COLQ: variants seen among roughly 807,000 people sequenced by gnomAD.
COLQ encodes acetylcholinesterase collagenic tail peptide.
COLQ carries 48 observed loss-of-function variants against 69.0 expected under a neutral mutation model. The observed-to-expected ratio is 0.70, with a 90% CI of 0.55 to 0.88. The LOEUF (loss-of-function observed/expected upper bound fraction) is 0.88, where lower values mean the gene tolerates loss of function less well. Ranked by LOEUF, COLQ falls within the 40% of genes least tolerant of loss-of-function variation. COLQ has a pLI of 0.00. For synonymous variants in COLQ, 217 were observed against 211.2 expected, an observed-to-expected ratio of 1.03 and a Z score of -0.24; for missense variants, 618 against 594.6, an observed-to-expected ratio of 1.04 and a Z score of -0.41.
intron 1 of COLQ, among the ~76,000 whole-genome samples, chr3:15,499,320 G>A (rs2062799170): frequency 6.6e-6 from 1 of 152,182 alleles, no homozygotes; most frequent in Non-Finnish European, 1.5e-5. Flanking sequence ...GATTATAAAA[G>A]ACAAGATTAT....
chr3:15,475,516 A>G (rs200592674), intron 6 of COLQ, 29 bp from the exon 7 acceptor site: 3 of 1,565,982 alleles, frequency 1.9e-6, no homozygotes, highest in East Asian at 2.3e-5. Context: ...GAAAAGACCC[A>G]CGGTGATATT....
intron 3 of COLQ, among the ~76,000 whole-genome samples, chr3:15,481,918 G>A (rs1177157785): frequency 6.6e-6 from 1 of 152,164 alleles, no homozygotes; most frequent in Non-Finnish European, 1.5e-5. Flanking sequence ...TCTCCTTGAA[G>A]AGGTCCTTCA....
At chr3:15,498,462 T>C in intron 1 of COLQ, 1 of 1,416,352 alleles carries the variant, frequency 7.1e-7, no homozygotes, top group Non-Finnish European at 9.5e-7. Flanking sequence ...AAACAATGCA[T>C]GTGCATCCAC....
chr3:15,497,592 C>T (rs372474448), intron 1 of COLQ, among the ~76,000 whole-genome samples: 22 of 152,292 alleles, frequency 1.4e-4, no homozygotes, highest in Admixed American at 8.5e-4. Flanking sequence ...ATTACAAGTG[C>T]AGCCATTTAA....
In COLQ at chr3:15,450,631, T is replaced by C. The variant is rs1279541116; in HGVS notation, c.*1013A>G. 1.3e-5 allele frequency: 2 copies of C among 153,332 alleles called. No homozygotes were observed. Among genetic ancestry groups the C allele is most frequent in the South Asian group, 2.1e-4 (1 of 4,824 alleles). 9.5% of individuals were successfully genotyped at this position (153,332 alleles called of 1,614,324 possible). A position where few individuals can be genotyped will look rare whatever the true frequency, so the allele number is the denominator to read the frequency against. The stretch of plus-strand genomic sequence containing the variant: ...GACAAGGCTATGCAATATGCAGACA[T>C]GAAAGAAATGCCACGGGACGCTGTC... On this transcript the variant is annotated 3_prime_UTR_variant, in exon 17 of 17. Coordinates refer to ENST00000383788, the MANE Select transcript of COLQ (RefSeq NM_005677.4).
At chr3:15,487,418 T>A (rs1284620262) in intron 3 of COLQ, among the ~76,000 whole-genome samples, 11 of 152,148 alleles carry the variant, frequency 7.2e-5, no homozygotes, top group Admixed American at 7.2e-4. Flanking sequence ...ATGTAGGAGA[T>A]ACAGGCCGGA....
intron 9 of COLQ, 28 bp from the exon 10 acceptor site, chr3:15,474,063 A>T: frequency 6.2e-7 from 1 of 1,614,070 alleles, no homozygotes; most frequent in Non-Finnish European, 8.5e-7. Context: ...AATAATTGTG[A>T]TCACCTCTGA....
intron 1 of COLQ, among the ~76,000 whole-genome samples, chr3:15,520,791 C>T (rs1382228663): frequency 2.6e-5 from 4 of 152,218 alleles, no homozygotes; most frequent in African/African-American, 7.2e-5. Context: ...CTGGCAGACA[C>T]AGCCCCTTCC....
chr3:15,469,402 C>T (rs1349935519), intron 11 of COLQ, among the ~76,000 whole-genome samples: 1 of 152,194 alleles, frequency 6.6e-6, no homozygotes, highest in African/African-American at 2.4e-5. Flanking sequence ...ATTTCTCCCC[C>T]ATATTTTTCC....
intron 1 of COLQ, among the ~76,000 whole-genome samples, chr3:15,496,888 T>C (rs2062753634): frequency 6.6e-6 from 1 of 152,180 alleles, no homozygotes; most frequent in South Asian, 2.1e-4. Context: ...AATTTACTCT[T>C]GGAAAGACAT....
intron 11 of COLQ, among the ~76,000 whole-genome samples, chr3:15,468,359 G>A (rs1394446759): frequency 1.6e-5 from 2 of 127,728 alleles, no homozygotes; most frequent in Non-Finnish European, 3.1e-5. Flanking sequence ...GAGAGACGGA[G>A]TCTTGCTCTG....
intron 12 of COLQ, among the ~76,000 whole-genome samples, chr3:15,462,530 G>C (rs2125097010): frequency 6.6e-6 from 1 of 152,298 alleles, no homozygotes; most frequent in East Asian, 1.9e-4. Flanking sequence ...CACCCTGCTT[G>C]GCTCCTAAGG....
At chr3:15,480,714 G>A (rs1448596845) in intron 3 of COLQ, among the ~76,000 whole-genome samples, 1 of 152,182 alleles carries the variant, frequency 6.6e-6, no homozygotes, top group Non-Finnish European at 1.5e-5. Flanking sequence ...GGATGGCTGG[G>A]TCAAATGGTG....
At chr3:15,490,352 T>C (rs1196355588) in intron 1 of COLQ, among the ~76,000 whole-genome samples, 1 of 152,316 alleles carries the variant, frequency 6.6e-6, no homozygotes, top group Non-Finnish European at 1.5e-5. Context: ...CAGATCTCCA[T>C]AAGGTGGACG....
intron 12 of COLQ, among the ~76,000 whole-genome samples, chr3:15,463,597 C>T (rs371848034): frequency 1.3e-5 from 2 of 152,064 alleles, no homozygotes; most frequent in African/African-American, 4.8e-5. Flanking sequence ...CTGCCCACCT[C>T]GGCCTTCCAA....
Position 15,455,950 on chromosome 3 carries a change from G to T in COLQ, c.1144C>A (p.Pro382Thr). The T allele has an allele frequency of 1.1e-5, 17 of 1,614,138 alleles. No homozygotes were observed. The highest frequency in any genetic ancestry group is 1.4e-5 in the Non-Finnish European group (17 of 1,180,002). The change falls in exon 15 of 17, where the codon CCT (proline) becomes ACT (threonine). Residue 382 changes from proline to threonine, a missense_variant. Coordinates refer to ENST00000383788, the MANE Select transcript of COLQ (RefSeq NM_005677.4). Reference protein sequence around the residue: ...HGTCGDGLLQPGEECDDGNSD... With the variant: ...HGTCGDGLLQTGEECDDGNSD... ...TTACCGTCGTCACACTCCTCCCCAG[G>T]CTGCAGGAGCCCATCCCCACAGGTG... is the stretch of plus-strand genomic sequence containing the variant.
At chr3:15,485,297 C>T (rs1274445513) in intron 3 of COLQ, among the ~76,000 whole-genome samples, 1 of 152,186 alleles carries the variant, frequency 6.6e-6, no homozygotes, top group African/African-American at 2.4e-5. Context: ...TATGAGGTGT[C>T]AGTCGGCCCC....
At position 15,489,580 on chromosome 3, in the gene COLQ, G is replaced by T. The variant is rs774271810; in HGVS notation, c.164C>A (p.Thr55Lys). Reference protein sequence around the residue: ...RGGHKACCLLTPPPPPLFPPP... With the variant: ...RGGHKACCLLKPPPPPLFPPP... ...TGGGAACAGTGGTGGTGGAGGAGGC[G>T]TCAGCAGGCAGCATGCTTTGTGGCC... is the stretch of plus-strand genomic sequence containing the variant. Residue 55 changes from threonine (T) to lysine (K), a missense_variant, in exon 2 of 17, where the codon ACG (threonine) becomes AAG (lysine). Transcript: ENST00000383788. 6.2e-6 allele frequency: 10 copies of T among 1,614,198 alleles called. No homozygotes were observed. Among genetic ancestry groups the T allele is most frequent in the Non-Finnish European group, 8.5e-6 (10 of 1,180,042 alleles).
chr3:15,493,652 T>C (rs960846493), intron 1 of COLQ, among the ~76,000 whole-genome samples: 1 of 152,234 alleles, frequency 6.6e-6, no homozygotes, highest in East Asian at 1.9e-4. Context: ...TGACAGGTCA[T>C]GGGGGCAGCT....
Sources: gnomAD v4.1 joint callset for allele counts (sites outside exome capture counted in the v4.1 genomes callset) on GRCh38, gnomAD v4.1.1 for gene constraint, MANE v1.5 for transcripts, NCBI Gene and HGNC (gene_info 2026-07-23, HGNC 2026-07-21) for gene names.